Variants in RBFOX3 observed in about 807,000 individuals in gnomAD.
RBFOX3 encodes the protein RNA binding protein fox-1 homolog 3.
RBFOX3 carries 17 observed loss-of-function variants against 48.7 expected under a neutral mutation model. The observed-to-expected ratio is 0.35, with a 90% confidence interval of 0.24 to 0.52. RBFOX3 has a LOEUF of 0.52. RBFOX3 is among the 20% of genes least tolerant of loss of function. RBFOX3 has a pLI of 0.94. For missense variants in RBFOX3, 382 were observed against 497.5 expected (o/e 0.77, Z 2.21); for synonymous variants, 212 against 209.5 (o/e 1.01, Z -0.10).
At chr17:79,251,494 T>C (rs2063948850) in intron 3 of RBFOX3, among the ~76,000 whole-genome samples, 1 of 152,108 alleles carries the variant, frequency 6.6e-6, no homozygotes, top group Non-Finnish European at 1.5e-5. Context: ...GCACAACCCT[T>C]CCCCCTCCCT....
In RBFOX3 at chr17:79,379,284, G is replaced by A. The variant is rs1185202505; in HGVS notation, c.-174-71460C>T. On this transcript the variant is annotated intron_variant, in intron 2 of 14. Transcript: ENST00000693108. The stretch of plus-strand genomic sequence containing the variant: ...CCCGCACATTGTGGGGTCACTGCCA[G>A]AATTCCCGACTCCTTGCCTGCCCTG... 1.5e-4 allele frequency among the ~76,000 whole-genome samples: 23 copies of A among 152,278 alleles called. No homozygotes were observed. In the East Asian group the frequency reaches 3.9e-3, roughly 26 times the overall value.
rs118059701 is a variant in RBFOX3, at chr17:79,351,079, T to C, written c.-174-43255A>G. ...ATGTTTTCAAGGTTCCTCTGTGCTG[T>C]AGCATGTGCCAGAATTTCCTTCCTT... On this transcript the variant is annotated intron_variant, in intron 2 of 14. Coordinates refer to ENST00000693108, the MANE Select transcript of RBFOX3 (RefSeq NM_001350451.2). Among the ~76,000 whole-genome samples the C allele has an allele frequency of 1.1e-3, 170 of 152,372 alleles. 2 individuals are homozygous for C. The East Asian group carries it at 0.028, about 25-fold the overall frequency.
chr17:79,375,968 G>A (rs531818729), intron 2 of RBFOX3, among the ~76,000 whole-genome samples: 1 of 152,232 alleles, frequency 6.6e-6, no homozygotes, highest in African/African-American at 2.4e-5. Context: ...GTGTGGAGCA[G>A]GGATTTAGTG....
chr17:79,574,354 A>C (rs1006435357), intron 1 of RBFOX3, among the ~76,000 whole-genome samples: 1 of 152,214 alleles, frequency 6.6e-6, no homozygotes, highest in Non-Finnish European at 1.5e-5. Context: ...CAGCTGCTAA[A>C]ACAGGATGCA....
intron 1 of RBFOX3, among the ~76,000 whole-genome samples, chr17:79,550,808 G>A (rs1169436747): frequency 1.3e-5 from 2 of 152,150 alleles, no homozygotes; most frequent in South Asian, 2.1e-4. Flanking sequence ...CAGTGAGTGG[G>A]TTGATTTATG....
At chr17:79,558,214 C>T (rs1486690297) in intron 1 of RBFOX3, among the ~76,000 whole-genome samples, 1 of 151,396 alleles carries the variant, frequency 6.6e-6, no homozygotes, top group Non-Finnish European at 1.5e-5. Context: ...GGCCACGTGG[C>T]CCAGGCCCAG....
Position 79,358,363 on chromosome 17 carries a change from C to A in RBFOX3, c.-174-50539G>T, listed in dbSNP as rs191114311. 2.6e-5 allele frequency among the ~76,000 whole-genome samples: 4 copies of A among 152,310 alleles called. No individual in the cohort carries two copies. In the East Asian group the frequency reaches 5.8e-4, roughly 22 times the overall value. On this transcript the variant is annotated intron_variant, in intron 2 of 14. Transcript: ENST00000693108. The stretch of plus-strand genomic sequence containing the variant: ...CGAGGATGCTCACGCCGTGGGGAGA[C>A]CCCACCATCGGCACACTGCCCTCCC...
At chr17:79,255,067 C>T (rs1366688725) in intron 3 of RBFOX3, among the ~76,000 whole-genome samples, 1 of 152,118 alleles carries the variant, frequency 6.6e-6, no homozygotes, top group Non-Finnish European at 1.5e-5. Context: ...TCTGCTTGGC[C>T]TCCCCTCCTT....
At chr17:79,429,149 G>A (rs1411302843) in intron 2 of RBFOX3, among the ~76,000 whole-genome samples, 6 of 152,232 alleles carry the variant, frequency 3.9e-5, no homozygotes, top group Admixed American at 6.5e-5. Context: ...AGGCACACAC[G>A]CTCACACACG....
At chr17:79,319,526 G>C (rs1312424903) in intron 2 of RBFOX3, among the ~76,000 whole-genome samples, 1 of 152,000 alleles carries the variant, frequency 6.6e-6, no homozygotes, top group African/African-American at 2.4e-5. Context: ...TGCTGGTCTT[G>C]TCTGGGCTGC....
intron 9 of RBFOX3, 122 bp from the exon 10 acceptor site, chr17:79,097,867 C>A (rs2075681713): frequency 6.9e-6 from 7 of 1,021,160 alleles, no homozygotes; most frequent in Non-Finnish European, 1.0e-5. Context: ...GGCGCCTCCC[C>A]GCGCCGGGCC....
chr17:79,450,062 G>A (rs782216949), intron 2 of RBFOX3, among the ~76,000 whole-genome samples: 5 of 151,908 alleles, frequency 3.3e-5, no homozygotes, highest in Admixed American at 6.6e-5. Context: ...ACCGTGGAAC[G>A]ATGGGACGTT....
Position 79,473,884 on chromosome 17 carries a change from C to T in RBFOX3, c.-175+8570G>A, listed in dbSNP as rs2077361758. ...GAACTAAAGTTAGGCTTGCCTTGAC[C>T]TCTACTTCTAAATTAATTTTCCTTC... is the stretch of plus-strand genomic sequence containing the variant. On this transcript the variant is annotated intron_variant, in intron 2 of 14. Coordinates refer to ENST00000693108, the MANE Select transcript of RBFOX3 (RefSeq NM_001350451.2). This position sits in a 1 kb window ranked among gnomAD's most constrained non-coding sequence, Gnocchi z 4.2. 6.6e-6 allele frequency among the ~76,000 whole-genome samples: 1 copy of T among 152,132 alleles called. No homozygotes were observed. The highest frequency in any genetic ancestry group is 2.4e-5 in the African/African-American group (1 of 41,422).
the RBFOX3 span, among the ~76,000 whole-genome samples, chr17:79,620,217 A>AG: frequency 3.4e-5 from 5 of 147,168 alleles, no homozygotes; most frequent in African/African-American, 5.1e-5. Context: ...ATGCACACAC[A>AG]GGGACATGCA....
intron 1 of RBFOX3, among the ~76,000 whole-genome samples, chr17:79,517,444 C>CA (rs1231600861): frequency 0.51 from 48,549 of 94,466 alleles, 10,439 homozygotes; most frequent in Admixed American, 0.59. Context: ...GAGTCTGTCT[C>CA]AAAAAAAAAA....
intron 3 of RBFOX3, among the ~76,000 whole-genome samples, chr17:79,267,482 C>T (rs1456392002): frequency 2.0e-5 from 3 of 152,166 alleles, no homozygotes; most frequent in African/African-American, 7.2e-5. Context: ...CCTCCACCTC[C>T]TGGGTTCAAG....
At chr17:79,201,700 C>T (rs976431293) in intron 4 of RBFOX3, among the ~76,000 whole-genome samples, 15 of 152,152 alleles carry the variant, frequency 9.9e-5, no homozygotes, top group African/African-American at 2.9e-4. Context: ...TCGGAGGTGG[C>T]GGAGGTGGCC....
At chr17:79,377,928 C>A (rs1029842347) in intron 2 of RBFOX3, among the ~76,000 whole-genome samples, 12 of 152,208 alleles carry the variant, frequency 7.9e-5, no homozygotes, top group African/African-American at 2.4e-4. Flanking sequence ...AGGGCCCATA[C>A]AAATACTTTC....
chr17:79,230,478 C>T (rs554492468), intron 4 of RBFOX3, among the ~76,000 whole-genome samples: 3,957 of 151,750 alleles, frequency 0.026, 175 homozygotes, highest in African/African-American at 0.091. Context: ...CCAGGCTGGT[C>T]TCGATCTGCT....
Sources: allele counts gnomAD v4.1 joint callset (sites outside exome capture counted in the v4.1 genomes callset), GRCh38; gene constraint gnomAD v4.1.1; non-coding constraint Gnocchi (gnomAD v3.1); transcripts MANE v1.5; gene names NCBI Gene and HGNC (gene_info 2026-07-23, HGNC 2026-07-21).